ST8SIA5: variants seen among roughly 807,000 people sequenced by gnomAD.
ST8SIA5 encodes alpha-2,8-sialyltransferase 8E.
ST8SIA5 carries 24 observed loss-of-function variants against 40.2 expected under a neutral mutation model. The observed-to-expected ratio is 0.60, with a 90% confidence interval of 0.43 to 0.84. The LOEUF (loss-of-function observed/expected upper bound fraction) is 0.84, where lower values mean the gene tolerates loss of function less well. Among genes scored for constraint, ST8SIA5 ranks in the 40% least tolerant of loss-of-function variants. The probability of loss-of-function intolerance (pLI) is 0.00; values close to 1 mark genes in which losing one functional copy is unlikely to be tolerated. For synonymous variants in ST8SIA5, 198 were observed against 201.8 expected (o/e 0.98, Z 0.16); for missense variants, 465 against 498.5 (o/e 0.93, Z 0.64).
chr18:46,681,632 A>T (rs2039397320), intron 6 of ST8SIA5, among the ~76,000 whole-genome samples: 1 of 152,218 alleles, frequency 6.6e-6, no homozygotes, highest in Admixed American at 6.5e-5. Context: ...CTCTAGGTGA[A>T]GGTAGTGTAG....
intron 1 of ST8SIA5, among the ~76,000 whole-genome samples, chr18:46,707,084 G>A (rs1448714868): frequency 6.6e-6 from 1 of 152,142 alleles, no homozygotes; most frequent in Non-Finnish European, 1.5e-5. Context: ...CCATGACCTT[G>A]GCTCTAACTC....
intron 1 of ST8SIA5, among the ~76,000 whole-genome samples, chr18:46,733,197 G>C: frequency 6.6e-6 from 1 of 152,164 alleles, no homozygotes; most frequent in Non-Finnish European, 1.5e-5. Flanking sequence ...CCACAAATTG[G>C]TGGGTAAGGT....
chr18:46,698,165 A>C (rs2039575268), intron 2 of ST8SIA5, among the ~76,000 whole-genome samples: 1 of 151,868 alleles, frequency 6.6e-6, no homozygotes, highest in Admixed American at 6.6e-5. Context: ...CCACCACACC[A>C]ACAATCACAA....
chr18:46,688,809 T>G lies in ST8SIA5; in HGVS notation c.422A>C (p.His141Pro). Reference sequence around the variant, plus strand: ...CATGCGGAAGATCTCCTGGTTGATGTGGTAGATGCCACTGGTGTCCACCTC... The same window carrying G: ...CATGCGGAAGATCTCCTGGTTGATGGGGTAGATGCCACTGGTGTCCACCTC... The part of the protein sequence containing the change: ...KYEVDTSGIY[H>P]INQEIFRMFP... Residue 141 changes from histidine to proline, a missense_variant, in exon 4 of 7, where the codon CAC becomes CCC. Physicochemically the swap from His to Pro is moderately conservative, Grantham distance 77 (BLOSUM62 -2). Coordinates refer to ENST00000315087, the MANE Select transcript of ST8SIA5 (RefSeq NM_013305.6). The G allele has an allele frequency of 6.2e-7, 1 of 1,613,590 alleles. No individual in the cohort carries two copies.
chr18:46,733,131 C>T (rs891826964), intron 1 of ST8SIA5, among the ~76,000 whole-genome samples: 9 of 152,314 alleles, frequency 5.9e-5, no homozygotes, highest in Middle Eastern at 3.4e-3. Flanking sequence ...GGTCTTCACA[C>T]AACCCTGGGA....
intron 1 of ST8SIA5, among the ~76,000 whole-genome samples, chr18:46,739,366 AC>A (rs2040066423): frequency 6.6e-6 from 1 of 152,090 alleles, no homozygotes; most frequent in Non-Finnish European, 1.5e-5. Context: ...ACATAGCGAA[AC>A]CCCGACTCTA....
intron 1 of ST8SIA5, among the ~76,000 whole-genome samples, chr18:46,725,971 AAATATATATATAT>A (rs1273419436): frequency 2.3e-4 from 10 of 42,724 alleles, no homozygotes; most frequent in Non-Finnish European, 3.0e-4. Flanking sequence ...AAAAAAAAAA[AAATATATATATAT>A]ATATATATAT....
intron 3 of ST8SIA5, among the ~76,000 whole-genome samples, chr18:46,689,652 C>A (rs2039484119): frequency 6.6e-6 from 1 of 150,698 alleles, no homozygotes. Flanking sequence ...CGGCTCACTG[C>A]AATCTTCGCC....
At chr18:46,704,515 C>T (rs2039649839) in intron 2 of ST8SIA5, 57 bp downstream of exon 2, 3 of 1,517,560 alleles carry the variant, frequency 2.0e-6, no homozygotes, top group Non-Finnish European at 1.8e-6. Flanking sequence ...CACTCACCCC[C>T]AACCCCTGCC....
At chr18:46,686,310 G>C in intron 4 of ST8SIA5, 24 bp from the exon 5 acceptor site, 1 of 1,607,504 alleles carries the variant, frequency 6.2e-7, no homozygotes, top group East Asian at 2.2e-5. Flanking sequence ...AGGCACAGCT[G>C]TCAGAGCCAA....
At chr18:46,744,955 CTGAA>C (rs1399528896) in intron 1 of ST8SIA5, among the ~76,000 whole-genome samples, 1 of 152,186 alleles carries the variant, frequency 6.6e-6, no homozygotes, top group East Asian at 1.9e-4. Flanking sequence ...CAACCTGCTC[CTGAA>C]TGACTACTGG....
In ST8SIA5 at chr18:46,690,442, C is replaced by A. The variant is rs377371565; in HGVS notation, c.312-1523G>T. Among the ~76,000 whole-genome samples the A allele has an allele frequency of 6.6e-5, 10 of 152,208 alleles. No individual in the cohort carries two copies. In the East Asian group the frequency reaches 1.9e-3, roughly 29 times the overall value. ...AGCATGGCAAGGCCTGATGTCACTG[C>A]CTTTTCTCACACCTGAAACTGCTCC... On this transcript the variant is annotated intron_variant, in intron 3 of 6. Coordinates refer to ENST00000315087, the MANE Select transcript of ST8SIA5 (RefSeq NM_013305.6).
chr18:46,731,799 G>C (rs1434740081), intron 1 of ST8SIA5: 1 of 152,232 alleles, frequency 6.6e-6, no homozygotes, highest in Non-Finnish European at 1.5e-5. Flanking sequence ...TCTCCTTAGA[G>C]AGCTCCTCTA....
rs575280981 is a variant in ST8SIA5 at position 46,668,291 on chromosome 18, C to A, written c.*11751G>T. On this transcript the variant is annotated 3_prime_UTR_variant, in exon 7 of 7. Transcript: ENST00000315087. ...GGAAGGGAGGCATGCCACGTGGCCG[C>A]TTTTTCTTCATACGCAGGAGGCCAC... The A allele has an allele frequency of 1.4e-4, 22 of 152,390 alleles. No homozygotes were observed. The highest frequency in any genetic ancestry group is 5.0e-4 in the African/African-American group (21 of 41,590). 9.4% of individuals were successfully genotyped at this position (152,390 alleles called of 1,614,324 possible).
chr18:46,688,962 A>G (rs1435289868), intron 3 of ST8SIA5, 43 bp from the exon 4 acceptor site: 2 of 1,587,140 alleles, frequency 1.3e-6, no homozygotes, highest in African/African-American at 2.7e-5. Flanking sequence ...GATGCAGGAA[A>G]GATGTGATGG....
At chr18:46,692,988 TG>T (rs2039522458) in intron 2 of ST8SIA5, among the ~76,000 whole-genome samples, 2 of 151,220 alleles carry the variant, frequency 1.3e-5, no homozygotes, top group African/African-American at 4.9e-5. Flanking sequence ...CTGCCGACCC[TG>T]CCTTATCCAT....
chr18:46,750,790 T>G (rs1433302939), intron 1 of ST8SIA5, among the ~76,000 whole-genome samples: 2 of 152,152 alleles, frequency 1.3e-5, no homozygotes. Context: ...GCAGACATCC[T>G]TCAAGGCTCT....
chr18:46,705,651 G>A (rs979220810), intron 1 of ST8SIA5, among the ~76,000 whole-genome samples: 16 of 152,348 alleles, frequency 1.1e-4, no homozygotes, highest in African/African-American at 3.4e-4. Flanking sequence ...GCAGAGGCCC[G>A]GTGAGCCCTC....
At chr18:46,701,040 G>A (rs1019214166) in intron 2 of ST8SIA5, among the ~76,000 whole-genome samples, 1 of 150,186 alleles carries the variant, frequency 6.7e-6, no homozygotes, top group Non-Finnish European at 1.5e-5. Flanking sequence ...GACAGGGGCT[G>A]TTGTGGGCTG....
Sources: allele counts gnomAD v4.1 joint callset (sites outside exome capture counted in the v4.1 genomes callset), GRCh38; gene constraint gnomAD v4.1.1; transcripts MANE v1.5; gene names NCBI Gene and HGNC (gene_info 2026-07-23, HGNC 2026-07-21).